The following ITGA9 variants were observed in gnomAD, a reference collection of about 807,000 sequenced individuals.
ITGA9 encodes the protein integrin alpha-9.
Under a neutral mutation model 127.8 loss-of-function variants are expected in ITGA9, and 56 were observed. The ratio of observed to expected loss-of-function variants is 0.44; its 90% CI spans 0.35 to 0.55. The LOEUF (loss-of-function observed/expected upper bound fraction) is 0.55, where lower values mean the gene tolerates loss of function less well. Ranked by LOEUF, ITGA9 falls within the 20% of genes least tolerant of loss-of-function variation. The probability of loss-of-function intolerance (pLI) is 0.00; values close to 1 mark genes in which losing one functional copy is unlikely to be tolerated. For synonymous variants in ITGA9, 508 were observed against 514.5 expected, an observed-to-expected ratio of 0.99 and a Z score of 0.17; for missense variants, 1,196 against 1,347.1, an observed-to-expected ratio of 0.89 and a Z score of 1.76.
intron 15 of ITGA9, among the ~76,000 whole-genome samples, chr3:37,586,239 G>A (rs1699758163): frequency 6.6e-6 from 1 of 152,188 alleles, no homozygotes; most frequent in African/African-American, 2.4e-5. Flanking sequence ...AAACCGTCAT[G>A]TTATAAACAT....
intron 19 of ITGA9, among the ~76,000 whole-genome samples, chr3:37,733,590 C>T (rs1347699274): frequency 7.0e-6 from 1 of 143,110 alleles, no homozygotes; most frequent in Non-Finnish European, 1.5e-5. Flanking sequence ...ACACTCAGAT[C>T]ATTTTAATCT....
rs977987665 is a variant in ITGA9 at position 37,523,682 on chromosome 3, C to A, written c.1327+71C>A. 6 of 1,114,128 alleles carry A rather than the reference C, an allele frequency of 5.4e-6. No homozygotes were observed. In the Admixed American group the frequency reaches 1.0e-4, roughly 19 times the overall value. The allele number at this position is 1,114,128 out of a possible 1,614,324, so 69.0% of individuals were successfully genotyped here. ...TGCATGAAGTAGAATAATTTTCAGT[C>A]TGGTTAGCAATCATCACATCCATTT... is the stretch of plus-strand genomic sequence containing the variant. On this transcript the variant is annotated intron_variant, in intron 12 of 27. Transcript: ENST00000264741.
intron 15 of ITGA9, among the ~76,000 whole-genome samples, chr3:37,622,789 G>A (rs1700139880): frequency 1.3e-5 from 2 of 151,944 alleles, no homozygotes; most frequent in African/African-American, 2.4e-5. Context: ...AGATTGCAAT[G>A]AGCTGAGATT....
At chr3:37,677,769 G>C (rs1270148554) in intron 17 of ITGA9, among the ~76,000 whole-genome samples, 1 of 152,182 alleles carries the variant, frequency 6.6e-6, no homozygotes, top group Non-Finnish European at 1.5e-5. Context: ...CCTTCCAGCT[G>C]TCAAATTCCA....
At chr3:37,476,715 C>A (rs1698498753) in intron 3 of ITGA9, among the ~76,000 whole-genome samples, 1 of 152,184 alleles carries the variant, frequency 6.6e-6, no homozygotes, top group African/African-American at 2.4e-5. Flanking sequence ...TTTTCTGGAA[C>A]AAGCTGAGCA....
intron 4 of ITGA9, among the ~76,000 whole-genome samples, chr3:37,490,966 TC>T (rs10624727): frequency 9.2e-6 from 1 of 108,718 alleles, no homozygotes; most frequent in African/African-American, 3.4e-5. Flanking sequence ...AGATTTGGCT[TC>T]CCCCCCGCTT....
intron 1 of ITGA9, among the ~76,000 whole-genome samples, chr3:37,466,582 C>T (rs997590120): frequency 6.8e-6 from 1 of 147,788 alleles, no homozygotes; most frequent in African/African-American, 2.5e-5. Context: ...TTCTCAAGGG[C>T]AATCTCTTCT....
rs1699064804 is a variant in ITGA9 at position 37,523,541 on chromosome 3, A to G, written c.1257A>G (p.Ile419Met). 2 of 1,613,926 alleles carry G rather than the reference A, an allele frequency of 1.2e-6. No homozygotes were observed. Among genetic ancestry groups the G allele is most frequent in the African/African-American group, 1.3e-5 (1 of 74,920 alleles). Residue 419 changes from isoleucine (I) to methionine (M), a missense_variant, in exon 12 of 28, where the codon ATA becomes ATG. Transcript: ENST00000264741. ...TTCAGAAACTGTCTGGGCAGAAGAT[A>G]AATCCAGTGCTCCGGATGTTTGGTC... The part of the protein sequence containing the change: ...QYSMKLSGQK[I>M]NPVLRMFGQS...
chr3:37,714,754 CTG>C (rs1701116640), intron 18 of ITGA9, among the ~76,000 whole-genome samples: 1 of 152,190 alleles, frequency 6.6e-6, no homozygotes, highest in African/African-American at 2.4e-5. Flanking sequence ...TCCCAGCAGT[CTG>C]TGTTTTAGCA....
chr3:37,512,901 T>C (rs893760075), intron 8 of ITGA9, among the ~76,000 whole-genome samples: 8 of 152,220 alleles, frequency 5.3e-5, no homozygotes, highest in Admixed American at 5.2e-4. Context: ...CCTGCCTGGA[T>C]CCTGTTGGTA....
In ITGA9 at chr3:37,624,001, G is replaced by A. The variant is rs186067472; in HGVS notation, c.1690-5186G>A. Among the ~76,000 whole-genome samples, 24 of 152,032 alleles carry A rather than the reference G, an allele frequency of 1.6e-4. No individual in the cohort carries two copies. The East Asian group carries it at 4.5e-3, about 28-fold the overall frequency. ...GTAAGAAAGGATGGAGGATGGAGGG[G>A]ATAAAAAGATCACATGTTTGGTGAA... On this transcript the variant is annotated intron_variant, in intron 15 of 27. Transcript: ENST00000264741.
At chr3:37,657,016 C>A (rs1340984499) in intron 17 of ITGA9, among the ~76,000 whole-genome samples, 2 of 152,026 alleles carry the variant, frequency 1.3e-5, no homozygotes, top group African/African-American at 4.8e-5. Context: ...TATGTTGAAC[C>A]AGCCTTGCAT....
At chr3:37,726,707 G>T (rs1696210203) in intron 18 of ITGA9, among the ~76,000 whole-genome samples, 1 of 152,194 alleles carries the variant, frequency 6.6e-6, no homozygotes, top group Admixed American at 6.5e-5. Context: ...GCTTCTTGCA[G>T]CCCCTTCTTT....
intron 18 of ITGA9, among the ~76,000 whole-genome samples, chr3:37,714,394 G>C (rs1202487397): frequency 6.6e-6 from 1 of 152,190 alleles, no homozygotes; most frequent in Admixed American, 6.6e-5. Context: ...CTTGGAGGGA[G>C]GTAACATCTG....
chr3:37,748,317 G>A (rs1351823379), intron 22 of ITGA9: 8 of 559,976 alleles, frequency 1.4e-5, no homozygotes, highest in Non-Finnish European at 2.7e-5. Context: ...GTGTTACCCA[G>A]CATGCTGTTG....
chr3:37,507,390 G>C (rs1698856370), intron 7 of ITGA9, among the ~76,000 whole-genome samples: 1 of 152,100 alleles, frequency 6.6e-6, no homozygotes, highest in African/African-American at 2.4e-5. Flanking sequence ...CTATGCTAAT[G>C]ATAGCAGCTT....
rs142956154 is a variant in ITGA9, at chr3:37,513,894, A to G, written c.1029A>G (p.Arg343=). 71 of 1,613,126 alleles carry G rather than the reference A, an allele frequency of 4.4e-5. No homozygotes were observed. Among genetic ancestry groups the G allele is most frequent in the Non-Finnish European group, 5.5e-5 (65 of 1,180,026 alleles). The change falls in exon 9 of 28, where the codon AGA becomes AGG. Residue 343 remains arginine, a synonymous_variant. Transcript: ENST00000264741. ...DEGQVTVYIN[R]GNGALEEQLA... ...GACAGGTCACTGTCTACATCAACAGAGGAAATGTGAGTACAATACTGGGCA... is the reference window on the plus strand; with the variant it reads ...GACAGGTCACTGTCTACATCAACAGGGGAAATGTGAGTACAATACTGGGCA...
At position 37,532,634 on chromosome 3, in the gene ITGA9, TGC is replaced by T. The variant is rs1491064586; in HGVS notation, c.1374-679_1374-678del. 0.015 allele frequency among the ~76,000 whole-genome samples: 493 copies of T among 32,840 alleles called. 19 individuals carry two copies. The East Asian group carries it at 0.42, about 28-fold the overall frequency. The allele number at this position is 32,840 out of a possible 152,430, so 21.5% of individuals were successfully genotyped here. On this transcript the variant is annotated intron_variant, in intron 13 of 27. Coordinates refer to ENST00000264741, the MANE Select transcript of ITGA9 (RefSeq NM_002207.3). ...GGGATGTCCTTGGGGAGCCCACAGG[TGC>T]TGTCCATTCATCAAGCACTGGGAGA...
At chr3:37,687,219 A>G (rs1283611262) in intron 18 of ITGA9, among the ~76,000 whole-genome samples, 1 of 152,216 alleles carries the variant, frequency 6.6e-6, no homozygotes, top group South Asian at 2.1e-4. Flanking sequence ...AATGTTATGG[A>G]TGGGATAAAG....
Sources: gnomAD v4.1 joint callset for allele counts (sites outside exome capture counted in the v4.1 genomes callset) on GRCh38, gnomAD v4.1.1 for gene constraint, MANE v1.5 for transcripts, NCBI Gene and HGNC (gene_info 2026-07-23, HGNC 2026-07-21) for gene names.